The following ESRRG variants were observed in gnomAD, a reference collection of about 807,000 sequenced individuals.
ESRRG encodes the protein estrogen related receptor gamma, also known as estrogen-related receptor gamma.
Under a neutral mutation model 44.0 loss-of-function variants are expected in ESRRG, and 13 were observed. The observed-to-expected ratio is 0.30, with a 90% CI of 0.19 to 0.47. ESRRG has a LOEUF of 0.47. ESRRG is among the 20% of genes least tolerant of loss of function. The probability of loss-of-function intolerance (pLI) is 1.00; values close to 1 mark genes in which losing one functional copy is unlikely to be tolerated. For missense variants in ESRRG, 395 were observed against 580.6 expected (o/e 0.68, Z 3.29); for synonymous variants, 215 against 214.6 (o/e 1.00, Z -0.02).
At chr1:217,124,604 A>G (rs1317337208) in intron 1 of ESRRG, among the ~76,000 whole-genome samples, 2 of 152,210 alleles carry the variant, frequency 1.3e-5, no homozygotes, top group African/African-American at 4.8e-5. Flanking sequence ...AAATCCATCC[A>G]TCAGATGAAT....
intron 2 of ESRRG, among the ~76,000 whole-genome samples, chr1:216,925,495 T>G (rs1435258458): frequency 6.6e-6 from 1 of 152,130 alleles, no homozygotes; most frequent in African/African-American, 2.4e-5. Context: ...ACAGCAGCGG[T>G]TCCCGGAAGG....
chr1:216,639,065 TA>T (rs1553447976), intron 3 of ESRRG, among the ~76,000 whole-genome samples: 1 of 152,114 alleles, frequency 6.6e-6, no homozygotes, highest in Non-Finnish European at 1.5e-5. Context: ...ATGATTATGA[TA>T]ATGTTGATAC....
At chr1:216,903,119 C>T (rs1318638948) in intron 2 of ESRRG, among the ~76,000 whole-genome samples, 2 of 152,116 alleles carry the variant, frequency 1.3e-5, no homozygotes, top group Non-Finnish European at 2.9e-5. Flanking sequence ...CAGAGCTTTG[C>T]AAAACATACC....
chr1:216,987,550 G>A (rs1471407447), intron 1 of ESRRG, among the ~76,000 whole-genome samples: 2 of 152,138 alleles, frequency 1.3e-5, no homozygotes, highest in African/African-American at 4.8e-5. Context: ...ACAAATGAAG[G>A]GATACAGAGA....
intron 1 of ESRRG, among the ~76,000 whole-genome samples, chr1:216,694,069 A>C (rs2079607915): frequency 6.6e-6 from 1 of 152,230 alleles, no homozygotes; most frequent in South Asian, 2.1e-4. Flanking sequence ...TAAAATGATT[A>C]TAAGATTTTT....
At chr1:216,816,806 A>C (rs2095152156) in intron 2 of ESRRG, among the ~76,000 whole-genome samples, 1 of 152,202 alleles carries the variant, frequency 6.6e-6, no homozygotes, top group South Asian at 2.1e-4. Flanking sequence ...GCTTTCAAAG[A>C]AGGCAAACAT....
intron 5 of ESRRG, among the ~76,000 whole-genome samples, chr1:216,558,492 C>T (rs2058047999): frequency 1.3e-5 from 2 of 152,036 alleles, no homozygotes; most frequent in South Asian, 4.2e-4. Context: ...TTATAAATTG[C>T]TTTTATGAAT....
intron 5 of ESRRG, among the ~76,000 whole-genome samples, chr1:216,539,068 T>A (rs1270923657): frequency 1.3e-5 from 2 of 152,040 alleles, no homozygotes; most frequent in Non-Finnish European, 2.9e-5. Flanking sequence ...CAAATCATAA[T>A]TCTAATATTT....
intron 2 of ESRRG, chr1:216,862,080 T>C (rs560970774): frequency 1.3e-5 from 2 of 152,330 alleles, no homozygotes; most frequent in South Asian, 4.1e-4. Flanking sequence ...ACACTGTTGC[T>C]GAGAGTGTAA....
intron 2 of ESRRG, among the ~76,000 whole-genome samples, chr1:216,870,132 G>T (rs1308873022): frequency 6.6e-6 from 1 of 151,918 alleles, no homozygotes; most frequent in African/African-American, 2.4e-5. Flanking sequence ...TTTGTAGATG[G>T]ACTTTATCAA....
intron 1 of ESRRG, among the ~76,000 whole-genome samples, chr1:217,100,493 A>G (rs1424021086): frequency 6.6e-6 from 1 of 152,200 alleles, no homozygotes; most frequent in African/African-American, 2.4e-5. Flanking sequence ...GCTGGAGGAC[A>G]GGGTTGGAGG....
intron 2 of ESRRG, among the ~76,000 whole-genome samples, chr1:216,836,553 G>T (rs771358253): frequency 9.9e-5 from 15 of 152,104 alleles, no homozygotes; most frequent in Admixed American, 6.6e-4. Flanking sequence ...TAGGATGACC[G>T]GGGAAGCGCC....
At chr1:216,842,393 C>T (rs886980827) in intron 2 of ESRRG, among the ~76,000 whole-genome samples, 1 of 152,026 alleles carries the variant, frequency 6.6e-6, no homozygotes, top group African/African-American at 2.4e-5. Context: ...ACCAAGGGAG[C>T]CTATTAGGAA....
chr1:216,978,487 A>G (rs2073369293), intron 1 of ESRRG, among the ~76,000 whole-genome samples: 1 of 152,208 alleles, frequency 6.6e-6, no homozygotes, highest in Non-Finnish European at 1.5e-5. Flanking sequence ...AATTTAATCT[A>G]GTCAAACATG....
rs138997923 is a variant in ESRRG, at chr1:216,581,806, C to T, written c.590-13708G>A. 5.3e-5 allele frequency among the ~76,000 whole-genome samples: 8 copies of T among 152,324 alleles called. No homozygotes were observed. The East Asian group carries it at 1.5e-3, about 29-fold the overall frequency. On this transcript the variant is annotated intron_variant, in intron 3 of 6. Transcript: ENST00000408911. ...GAGTTCAGTGTTATCAGAGTTTCCA[C>T]TCCGAAAAGAAGGCAGCAATCCAGA...
chr1:216,666,525 G>A (rs1575013888), intron 2 of ESRRG, among the ~76,000 whole-genome samples: 1 of 152,182 alleles, frequency 6.6e-6, no homozygotes, highest in South Asian at 2.1e-4. Flanking sequence ...GGTTAAGGGA[G>A]CACAAGGAGG....
chr1:216,922,095 A>C (rs1337166257), intron 2 of ESRRG, among the ~76,000 whole-genome samples: 1 of 152,150 alleles, frequency 6.6e-6, no homozygotes, highest in Admixed American at 6.5e-5. Context: ...GGTTCTCTCT[A>C]TGTCTCACCA....
In ESRRG at chr1:216,677,496, G is replaced by C. The variant is rs1314984218; in HGVS notation, c.57-5C>G. On this transcript the variant is annotated splice_region_variant and splice_polypyrimidine_tract_variant and intron_variant, in intron 1 of 6. Coordinates refer to ENST00000408911, the MANE Select transcript of ESRRG (RefSeq NM_001438.4). The stretch of plus-strand genomic sequence containing the variant: ...TTTGACATTCTGCAGAGAAGCCTGA[G>C]ATTGAGGAGATACAAAGAGAGACAG... 1 of 1,594,036 alleles carries C rather than the reference G, an allele frequency of 6.3e-7. No individual in the cohort carries two copies.
At chr1:216,789,873 T>C (rs995651572) in intron 2 of ESRRG, among the ~76,000 whole-genome samples, 1 of 152,160 alleles carries the variant, frequency 6.6e-6, no homozygotes, top group African/African-American at 2.4e-5. Flanking sequence ...CTGCTACTCG[T>C]CCATCAAAAT....
Sources: gnomAD v4.1 joint callset for allele counts (sites outside exome capture counted in the v4.1 genomes callset) on GRCh38, gnomAD v4.1.1 for gene constraint, MANE v1.5 for transcripts, NCBI Gene and HGNC (gene_info 2026-07-23, HGNC 2026-07-21) for gene names.